The following ADAMTS4 variants were observed in gnomAD, a reference collection of about 807,000 sequenced individuals.
The protein encoded by ADAMTS4 is ADAM metallopeptidase with thrombospondin type 1 motif 4, also known as A disintegrin and metalloproteinase with thrombospondin motifs 4.
ADAMTS4 carries 38 observed loss-of-function variants against 66.7 expected under a neutral mutation model. That is an observed-to-expected ratio of 0.57 (90% CI 0.44 to 0.75). The LOEUF (loss-of-function observed/expected upper bound fraction) is 0.75. Among genes scored for constraint, ADAMTS4 ranks in the 30% least tolerant of loss-of-function variants. ADAMTS4 has a pLI of 0.00. For synonymous variants in ADAMTS4, 418 were observed against 461.5 expected, an observed-to-expected ratio of 0.91 and a Z score of 1.21; for missense variants, 1,014 against 1,116.7, an observed-to-expected ratio of 0.91 and a Z score of 1.31.
Position 161,193,197 on chromosome 1 carries a change from G to A in ADAMTS4, c.1911+16C>T, listed in dbSNP as rs1246703155. The A allele has an allele frequency of 6.2e-7, 1 of 1,607,058 alleles. No homozygotes were observed. The highest frequency in any genetic ancestry group is 2.2e-5 in the East Asian group (1 of 44,658). The stretch of plus-strand genomic sequence containing the variant: ...GTGTGACCATAGACAGGGCCTGGGG[G>A]TGTCCTGACCCTCACCCGTGGCTCC... On this transcript the variant is annotated intron_variant, in intron 7 of 8. Coordinates refer to ENST00000367996, the MANE Select transcript of ADAMTS4 (RefSeq NM_005099.6). This position sits in a 1 kb window ranked among gnomAD's most constrained non-coding sequence, Gnocchi z 4.4.
chr1:161,193,658 C>T lies in ADAMTS4; in HGVS notation c.1717G>A (p.Asp573Asn). ...RTRFRSCNTE[D>N]CPTGSALTFR... ...TCCTCACCTGAGCCAGTTGGGCAGTCCTCAGTGTTGCAGGAGCGGAAGCGG... is the reference window on the plus strand; with the variant it reads ...TCCTCACCTGAGCCAGTTGGGCAGTTCTCAGTGTTGCAGGAGCGGAAGCGG... The change falls in exon 6 of 9, where the codon GAC becomes AAC. Residue 573 changes from aspartate (D) to asparagine (N), a missense_variant. By Grantham distance (23) the Asp-to-Asn change is conservative. Transcript: ENST00000367996. This position sits in a 1 kb window ranked among gnomAD's most constrained non-coding sequence, Gnocchi z 4.4. The T allele has an allele frequency of 6.2e-7, 1 of 1,612,338 alleles. No individual in the cohort carries two copies. The highest frequency in any genetic ancestry group is 8.5e-7 in the Non-Finnish European group (1 of 1,178,938).
rs922915035 is a variant in ADAMTS4 at position 161,188,393 on chromosome 1, C to T, written c.*2745G>A. 6.6e-6 allele frequency: 1 copy of T among 150,562 alleles called. No individual in the cohort carries two copies. The highest frequency in any genetic ancestry group is 2.5e-5 in the African/African-American group (1 of 40,718). 9.3% of individuals were successfully genotyped at this position (150,562 alleles called of 1,614,324 possible). ...AGCTGGGACTACAGGTGCCACCACG[C>T]CCGGCTAATTTTTCAATCTTTTTTT... is the stretch of plus-strand genomic sequence containing the variant. On this transcript the variant is annotated 3_prime_UTR_variant, in exon 9 of 9. Transcript: ENST00000367996.
rs1664742372 is a variant in ADAMTS4, at chr1:161,193,792, G to A, written c.1583C>T (p.Pro528Leu). ...ACAGGTCCGAGAGCAGTCACCCCATGGTCCCCAAGGACCCCAGCCACCAGC... is the reference window on the plus strand; with the variant it reads ...ACAGGTCCGAGAGCAGTCACCCCATAGTCCCCAAGGACCCCAGCCACCAGC... ...PQAGGWGPWG[P>L]WGDCSRTCGG... Residue 528 changes from proline (P) to leucine (L), a missense_variant, in exon 6 of 9, where the codon CCA becomes CTA. Transcript: ENST00000367996. The surrounding 1 kb of genome is among the most constrained non-coding windows in gnomAD (Gnocchi z 4.4). 2 of 1,611,662 alleles carry A rather than the reference G, an allele frequency of 1.2e-6. No individual in the cohort carries two copies. The highest frequency in any genetic ancestry group is 1.7e-6 in the Non-Finnish European group (2 of 1,178,754).
chr1:161,196,020 A>G, intron 3 of ADAMTS4, 151 bp downstream of exon 3: 1 of 931,580 alleles, frequency 1.1e-6, no homozygotes, highest in Non-Finnish European at 1.6e-6. Flanking sequence ...ATGTAAATGT[A>G]TGTCTACACC....
chr1:161,196,233 C>T lies in ADAMTS4; in HGVS notation c.1028G>A (p.Arg343Gln), dbSNP rs372130629. 5.0e-5 allele frequency: 81 copies of T among 1,613,634 alleles called. No homozygotes were observed. Among genetic ancestry groups the T allele is most frequent in the Admixed American group, 3.2e-4 (19 of 59,942 alleles). Residue 343 changes from arginine (R) to glutamine (Q), a missense_variant, in exon 3 of 9, where the codon CGG (arginine) becomes CAG (glutamine). Physicochemically the swap from Arg to Gln is conservative, Grantham distance 43 (BLOSUM62 1). Coordinates refer to ENST00000367996, the MANE Select transcript of ADAMTS4 (RefSeq NM_005099.6). ...ATCATCCTCCACAATGGCACAGCTC[C>T]GAGCCGGGTCACAGACGGTGCCCAC... The part of the protein sequence containing the change: ...ADVGTVCDPA[R>Q]SCAIVEDDGL...
chr1:161,196,160 C>T lies in ADAMTS4; in HGVS notation c.1090+11G>A. The T allele has an allele frequency of 6.3e-7, 1 of 1,584,790 alleles. No individual in the cohort carries two copies. The highest frequency in any genetic ancestry group is 8.6e-7 in the Non-Finnish European group (1 of 1,164,770). ...CCTCCCTAATACCTTTCTCATCCAC[C>T]CCTACTTTACCCAGTTCATGAGCAG... is the stretch of plus-strand genomic sequence containing the variant. On this transcript the variant is annotated intron_variant, in intron 3 of 8. Transcript: ENST00000367996.
chr1:161,198,892 G>A lies in ADAMTS4; in HGVS notation c.-265C>T. 2 of 422,822 alleles carry A rather than the reference G, an allele frequency of 4.7e-6. No homozygotes were observed. The highest frequency in any genetic ancestry group is 8.4e-6 in the Non-Finnish European group (2 of 238,464). The allele number at this position is 422,822 out of a possible 1,614,324, so 26.2% of individuals were successfully genotyped here. The stretch of plus-strand genomic sequence containing the variant: ...TGGATCTTTGTCTCTCCCTGCCTGT[G>A]TCTTCTGCAGCTTCTCTGGCCTCTC... On this transcript the variant is annotated 5_prime_UTR_variant, in exon 1 of 9. Transcript: ENST00000367996. This position sits in a 1 kb window ranked among gnomAD's most constrained non-coding sequence, Gnocchi z 4.7.
At position 161,193,568 on chromosome 1, in the gene ADAMTS4, C is replaced by T. The variant is rs1397376312; in HGVS notation, c.1735+72G>A. 4.5e-6 allele frequency: 7 copies of T among 1,541,498 alleles called. No homozygotes were observed. Among genetic ancestry groups the T allele is most frequent in the Non-Finnish European group, 6.1e-6 (7 of 1,139,746 alleles). Reference sequence around the variant, plus strand: ...GCAGGGGAATCAACACCCCCTTGGTCTTGCACTCAAGGGACAGTCCTTCCT... The same window carrying T: ...GCAGGGGAATCAACACCCCCTTGGTTTTGCACTCAAGGGACAGTCCTTCCT... On this transcript the variant is annotated intron_variant, in intron 6 of 8. Coordinates refer to ENST00000367996, the MANE Select transcript of ADAMTS4 (RefSeq NM_005099.6). This position sits in a 1 kb window ranked among gnomAD's most constrained non-coding sequence, Gnocchi z 4.4.
chr1:161,194,806 G>A lies in ADAMTS4; in HGVS notation c.1262-585C>T, dbSNP rs936243516. ...GGCAAATACCTATGAGATAGGTACC[G>A]CTATTATACTTATCTGACATATCAA... is the stretch of plus-strand genomic sequence containing the variant. On this transcript the variant is annotated intron_variant, in intron 4 of 8. Transcript: ENST00000367996. The surrounding 1 kb of genome is among the most constrained non-coding windows in gnomAD (Gnocchi z 4.1). Among the ~76,000 whole-genome samples, 3 of 152,160 alleles carry A rather than the reference G, an allele frequency of 2.0e-5. No homozygotes were observed. Among genetic ancestry groups the A allele is most frequent in the Non-Finnish European group, 2.9e-5 (2 of 68,034 alleles).
Position 161,192,071 on chromosome 1 carries a change from T to C in ADAMTS4, c.2081A>G (p.Lys694Arg), listed in dbSNP as rs1664695617. The change falls in exon 8 of 9, where the codon AAA becomes AGA. Residue 694 changes from lysine (K) to arginine (R), a missense_variant. Lys to Arg is a conservative substitution (Grantham distance 26). Coordinates refer to ENST00000367996, the MANE Select transcript of ADAMTS4 (RefSeq NM_005099.6). ...GGAATGATGGTGAAAGAACCTGAAT[T>C]TCCTGAAGGAGCCTGACTGCTTGCT... ...GCSKQSGSFR[K>R]FRYGYNNVVT... 6.2e-7 allele frequency: 1 copy of C among 1,613,826 alleles called. No homozygotes were observed.
Position 161,193,448 on chromosome 1 carries a change from C to T in ADAMTS4, c.1736-60G>A. The T allele has an allele frequency of 6.3e-7, 1 of 1,578,084 alleles. No homozygotes were observed. Among genetic ancestry groups the T allele is most frequent in the Admixed American group, 1.7e-5 (1 of 57,946 alleles). Reference sequence around the variant, plus strand: ...TTCCTCACATCACCCCACATCCCTCCACCCAACCCCTGAGAACTCTAGACA... The same window carrying T: ...TTCCTCACATCACCCCACATCCCTCTACCCAACCCCTGAGAACTCTAGACA... On this transcript the variant is annotated intron_variant, in intron 6 of 8. Transcript: ENST00000367996. This position sits in a 1 kb window ranked among gnomAD's most constrained non-coding sequence, Gnocchi z 4.4.
Position 161,195,477 on chromosome 1 carries a change from C to A in ADAMTS4, c.1249G>T (p.Asp417Tyr). The A allele has an allele frequency of 6.2e-7, 1 of 1,609,674 alleles. No homozygotes were observed. The highest frequency in any genetic ancestry group is 1.1e-5 in the South Asian group (1 of 90,492). Residue 417 changes from aspartate to tyrosine, a missense_variant, in exon 4 of 9, where the codon GAC (aspartate) becomes TAC (tyrosine). Asp to Tyr is a radical substitution (Grantham distance 160). Transcript: ENST00000367996. ...CSARFITDFLDNGYGHCLLDK... is the reference protein window; with the variant it reads ...CSARFITDFLYNGYGHCLLDK... Reference sequence around the variant, plus strand: ...GCCATCTGCTTACCATAGCCATTGTCCAGGAAGTCAGTGATGAAGCGGGCA... The same window carrying A: ...GCCATCTGCTTACCATAGCCATTGTACAGGAAGTCAGTGATGAAGCGGGCA...
At chr1:161,191,621 G>T in intron 8 of ADAMTS4, 57 bp from the exon 9 acceptor site, 6 of 1,517,530 alleles carry the variant, frequency 4.0e-6, no homozygotes, top group Non-Finnish European at 5.4e-6. Flanking sequence ...TCAGCCTTCT[G>T]AGCTGTGCTT....
rs927128980 is a variant in ADAMTS4 at position 161,196,301 on chromosome 1, G to T, written c.960C>A (p.Asp320Glu). The change falls in exon 3 of 9, where the codon GAC becomes GAA. Residue 320 changes from aspartate (D) to glutamate (E), a missense_variant and splice_region_variant. Transcript: ENST00000367996. ...FDTAILFTRQ[D>E]LCGVSTCDTL... ...TGTCGCAAGTGGAGACTCCACACAGGTCCTGTGGAGAGGGATCATAGAAGG... is the reference window on the plus strand; with the variant it reads ...TGTCGCAAGTGGAGACTCCACACAGTTCCTGTGGAGAGGGATCATAGAAGG... The T allele has an allele frequency of 3.1e-6, 5 of 1,607,642 alleles. No homozygotes were observed. The highest frequency in any genetic ancestry group is 1.3e-5 in the African/African-American group (1 of 74,598).
In ADAMTS4 at chr1:161,198,555, G is replaced by C. The variant is rs1388413293; in HGVS notation, c.73C>G (p.Leu25Val). ...CAGGAGAGCGGCACAATGGGGAGCA[G>C]GAGGCAGGGTTGGGCTCCCCACAGC... ...RWLWGAQPCLLLPIVPLSWLV... is the reference protein window; with the variant it reads ...RWLWGAQPCLVLPIVPLSWLV... Residue 25 changes from leucine (L) to valine (V), a missense_variant, in exon 1 of 9, where the codon CTG becomes GTG. Physicochemically the swap from Leu to Val is conservative, Grantham distance 32. Coordinates refer to ENST00000367996, the MANE Select transcript of ADAMTS4 (RefSeq NM_005099.6). The surrounding 1 kb of genome is among the most constrained non-coding windows in gnomAD (Gnocchi z 4.7). 3.8e-6 allele frequency: 6 copies of C among 1,562,672 alleles called. No homozygotes were observed. In the African/African-American group the frequency reaches 8.1e-5, roughly 21 times the overall value.
At position 161,193,783 on chromosome 1, in the gene ADAMTS4, T is replaced by TCA; in HGVS notation, c.1590_1591dup (p.Asp531ValfsTer51). Reference sequence around the variant, plus strand: ...ACCACCCCCACAGGTCCGAGAGCAGTCACCCCATGGTCCCCAAGGACCCCA... The same window carrying TCA: ...ACCACCCCCACAGGTCCGAGAGCAGTCACACCCCATGGTCCCCAAGGACCCCA... On this transcript the variant is annotated frameshift_variant, in exon 6 of 9. Transcript: ENST00000367996. LOFTEE classifies it high-confidence loss of function. This position sits in a 1 kb window ranked among gnomAD's most constrained non-coding sequence, Gnocchi z 4.4. 1.2e-6 allele frequency: 2 copies of TCA among 1,613,070 alleles called. No homozygotes were observed. The highest frequency in any genetic ancestry group is 1.7e-6 in the Non-Finnish European group (2 of 1,179,492).
chr1:161,196,083 T>C, intron 3 of ADAMTS4, 88 bp downstream of exon 3: 1 of 1,478,232 alleles, frequency 6.8e-7, no homozygotes, highest in South Asian at 1.4e-5. Context: ...AAGAATACCT[T>C]GGGACCCCCA....
In ADAMTS4 at chr1:161,193,777, G is replaced by C. The variant is rs776156678; in HGVS notation, c.1598C>G (p.Ser533Cys). 2.5e-6 allele frequency: 4 copies of C among 1,613,652 alleles called. No homozygotes were observed. The highest frequency in any genetic ancestry group is 1.1e-5 in the South Asian group (1 of 91,012). Residue 533 changes from serine to cysteine, a missense_variant, in exon 6 of 9, where the codon TCT (serine) becomes TGT (cysteine). Transcript: ENST00000367996. The surrounding 1 kb of genome is among the most constrained non-coding windows in gnomAD (Gnocchi z 4.4). ...WGPWGPWGDC[S>C]RTCGGGVQFS... ...CTGGACACCACCCCCACAGGTCCGA[G>C]AGCAGTCACCCCATGGTCCCCAAGG...
At position 161,196,543 on chromosome 1, in the gene ADAMTS4, G is replaced by C. The variant is rs377563643; in HGVS notation, c.957+14C>G. On this transcript the variant is annotated intron_variant, in intron 2 of 8. Transcript: ENST00000367996. Reference sequence around the variant, plus strand: ...TGTGCAGTGCATGGCCTGCGGTGCTGACTGGGGCCTCACCTGACGGGTAAA... The same window carrying C: ...TGTGCAGTGCATGGCCTGCGGTGCTCACTGGGGCCTCACCTGACGGGTAAA... 39 of 1,613,074 alleles carry C rather than the reference G, an allele frequency of 2.4e-5. No individual in the cohort carries two copies. The African/African-American group carries it at 4.1e-4, about 17-fold the overall frequency.
Sources: gnomAD v4.1 joint callset for allele counts (sites outside exome capture counted in the v4.1 genomes callset) on GRCh38, gnomAD v4.1.1 for gene constraint, Gnocchi (gnomAD v3.1) non-coding constraint, MANE v1.5 for transcripts, NCBI Gene and HGNC (gene_info 2026-07-23, HGNC 2026-07-21) for gene names.